The following ANXA5 variants were observed in gnomAD, a reference collection of about 807,000 sequenced individuals.
ANXA5 encodes the protein CBP-I.
A neutral mutation model predicts 48.1 loss-of-function variants in ANXA5; 40 were observed. That is an observed-to-expected ratio of 0.83 (90% CI 0.65 to 1.08). The LOEUF (loss-of-function observed/expected upper bound fraction) is 1.08. ANXA5 is among the 50% of genes least tolerant of loss of function. ANXA5 has a pLI of 0.00. For missense variants in ANXA5, 357 were observed against 376.8 expected, an observed-to-expected ratio of 0.95 and a Z score of 0.44; for synonymous variants, 113 against 129.1, an observed-to-expected ratio of 0.88 and a Z score of 0.85.
chr4:121,675,192 T>A (rs1724678118), intron 8 of ANXA5, among the ~76,000 whole-genome samples: 1 of 152,202 alleles, frequency 6.6e-6, no homozygotes, highest in African/African-American at 2.4e-5. Flanking sequence ...TAAATCAATT[T>A]AACACATTAA....
At chr4:121,677,808 C>T in intron 8 of ANXA5, 86 bp downstream of exon 8, 2 of 1,164,746 alleles carry the variant, frequency 1.7e-6, no homozygotes, top group Non-Finnish European at 2.6e-6. Context: ...GAAGCTATTA[C>T]AACATACATT....
At chr4:121,677,383 A>T (rs2110482334) in intron 8 of ANXA5, among the ~76,000 whole-genome samples, 1 of 152,336 alleles carries the variant, frequency 6.6e-6, no homozygotes, top group Middle Eastern at 3.4e-3. Context: ...ACTTAAGAGG[A>T]AATTTTCATT....
intron 2 of ANXA5, among the ~76,000 whole-genome samples, chr4:121,695,172 G>C (rs932413710): frequency 1.3e-5 from 2 of 152,160 alleles, no homozygotes; most frequent in Non-Finnish European, 2.9e-5. Context: ...TATTACTCAG[G>C]AAAGTTAATT....
intron 6 of ANXA5, among the ~76,000 whole-genome samples, chr4:121,679,966 G>A (rs1578443385): frequency 6.6e-6 from 1 of 152,122 alleles, no homozygotes; most frequent in East Asian, 1.9e-4. Context: ...TCACCACGCT[G>A]TTCATGAGAT....
intron 6 of ANXA5, among the ~76,000 whole-genome samples, chr4:121,679,408 T>A (rs1423151490): frequency 2.0e-5 from 3 of 152,140 alleles, no homozygotes; most frequent in Non-Finnish European, 4.4e-5. Flanking sequence ...CCCACACACA[T>A]AACTATCCAA....
intron 4 of ANXA5, 56 bp from the exon 5 acceptor site, chr4:121,683,533 C>A: frequency 9.8e-7 from 1 of 1,015,448 alleles, no homozygotes; most frequent in Admixed American, 1.8e-5. Flanking sequence ...TAAGATTCTT[C>A]TTAAATATGA....
intron 6 of ANXA5, among the ~76,000 whole-genome samples, chr4:121,680,626 C>T (rs1480287): frequency 0.15 from 23,363 of 152,132 alleles, 1,878 homozygotes; most frequent in Non-Finnish European, 0.18. Context: ...CTCAATTACA[C>T]GGCTGAGTAG....
At chr4:121,696,345 C>T (rs1212655416) in intron 2 of ANXA5, among the ~76,000 whole-genome samples, 2 of 151,850 alleles carry the variant, frequency 1.3e-5, no homozygotes. Context: ...CTGTTGCGCG[C>T]GAAGGCAGCT....
intron 8 of ANXA5, among the ~76,000 whole-genome samples, chr4:121,677,179 A>C (rs929526476): frequency 5.9e-5 from 9 of 152,210 alleles, no homozygotes; most frequent in Non-Finnish European, 1.2e-4. Flanking sequence ...TACATGACAA[A>C]CAACCAAGAA....
chr4:121,681,510 G>T, intron 6 of ANXA5, 161 bp downstream of exon 6: 1 of 538,896 alleles, frequency 1.9e-6, no homozygotes. Flanking sequence ...TTTCCTTACT[G>T]AAGGAGAAAA....
chr4:121,688,441 G>A (rs1325224941), intron 2 of ANXA5, among the ~76,000 whole-genome samples: 1 of 151,946 alleles, frequency 6.6e-6, no homozygotes, highest in Non-Finnish European at 1.5e-5. Flanking sequence ...ACCTCACTCT[G>A]CTTGTTAGCT....
At chr4:121,685,742 A>G (rs1488369134) in intron 3 of ANXA5, among the ~76,000 whole-genome samples, 1 of 152,220 alleles carries the variant, frequency 6.6e-6, no homozygotes, top group African/African-American at 2.4e-5. Flanking sequence ...AGAGTCTAGC[A>G]GAATGAGAAT....
At chr4:121,682,100 G>T (rs1481465274) in intron 5 of ANXA5, among the ~76,000 whole-genome samples, 6 of 152,054 alleles carry the variant, frequency 3.9e-5, no homozygotes, top group Admixed American at 6.6e-5. Context: ...CATGAAACAT[G>T]AAGTAATTTT....
intron 2 of ANXA5, among the ~76,000 whole-genome samples, chr4:121,687,706 G>A (rs1313974236): frequency 6.6e-6 from 1 of 152,220 alleles, no homozygotes; most frequent in Admixed American, 6.5e-5. Context: ...TCAAAGGTCA[G>A]TTCAGTGGCC....
chr4:121,681,489 C>T (rs1172208899), intron 6 of ANXA5, 182 bp downstream of exon 6: 1 of 503,390 alleles, frequency 2.0e-6, no homozygotes, highest in Non-Finnish European at 3.5e-6. Context: ...TAGAGGATAA[C>T]AAGGCAGTCT....
At chr4:121,681,377 T>A (rs961568171) in intron 6 of ANXA5, 2 of 214,536 alleles carry the variant, frequency 9.3e-6, no homozygotes, top group South Asian at 1.8e-4. Flanking sequence ...TTTACCTTAA[T>A]GTTAACATAA....
At chr4:121,679,619 C>T (rs1724756347) in intron 6 of ANXA5, among the ~76,000 whole-genome samples, 1 of 152,102 alleles carries the variant, frequency 6.6e-6, no homozygotes, top group South Asian at 2.1e-4. Flanking sequence ...GCAGCCAGGC[C>T]CTCTCCGTCC....
At position 121,696,622 on chromosome 4, in the gene ANXA5, G is replaced by T; in HGVS notation, c.-33C>A. ...ACTCAGGTCAGGGGAAGGTGAAGCA[G>T]GACTGCAAAAGAGAAGAAACCTCGG... On this transcript the variant is annotated splice_region_variant and 5_prime_UTR_variant, in exon 2 of 13. It adds an upstream start codon to the 5' untranslated region. Coordinates refer to ENST00000296511, the MANE Select transcript of ANXA5 (RefSeq NM_001154.4). 1 of 1,397,044 alleles carries T rather than the reference G, an allele frequency of 7.2e-7. No individual in the cohort carries two copies. 86.5% of individuals were successfully genotyped at this position (1,397,044 alleles called of 1,614,324 possible).
intron 2 of ANXA5, among the ~76,000 whole-genome samples, chr4:121,688,095 G>A (rs1173656982): frequency 1.3e-5 from 2 of 152,150 alleles, no homozygotes; most frequent in African/African-American, 4.8e-5. Flanking sequence ...ATCCTTGTAA[G>A]AATCCAGAGA....
Sources: allele counts gnomAD v4.1 joint callset (sites outside exome capture counted in the v4.1 genomes callset), GRCh38; gene constraint gnomAD v4.1.1; transcripts MANE v1.5; gene names NCBI Gene and HGNC (gene_info 2026-07-23, HGNC 2026-07-21).